The following SHANK2 variants were observed in gnomAD, a reference collection of about 807,000 sequenced individuals.
The protein encoded by SHANK2 is SH3 and multiple ankyrin repeat domains 2, also known as SH3 and multiple ankyrin repeat domains protein 2.
Under a neutral mutation model 133.7 loss-of-function variants are expected in SHANK2, and 43 were observed. The observed-to-expected ratio is 0.32, with a 90% CI of 0.25 to 0.41. SHANK2 has a LOEUF of 0.41. Among genes scored for constraint, SHANK2 ranks in the 10% least tolerant of loss-of-function variants. The pLI is 1.00. For synonymous variants in SHANK2, 1,017 were observed against 952.8 expected, an observed-to-expected ratio of 1.07 and a Z score of -1.24; for missense variants, 1,994 against 2,235.8, an observed-to-expected ratio of 0.89 and a Z score of 2.18.
At chr11:70,639,453 C>T (rs1353030453) in intron 17 of SHANK2, among the ~76,000 whole-genome samples, 1 of 152,126 alleles carries the variant, frequency 6.6e-6, no homozygotes, top group African/African-American at 2.4e-5. Flanking sequence ...TATAAGGGCA[C>T]TACTCCTCCT....
intron 17 of SHANK2, among the ~76,000 whole-genome samples, chr11:70,658,199 C>T (rs756273701): frequency 3.0e-5 from 4 of 131,898 alleles, no homozygotes; most frequent in East Asian, 4.5e-4. Flanking sequence ...CCCAAGGCCA[C>T]GCCCCCCCAA....
chr11:70,878,673 C>T (rs189330188), intron 11 of SHANK2, among the ~76,000 whole-genome samples: 2 of 152,272 alleles, frequency 1.3e-5, no homozygotes, highest in Admixed American at 1.3e-4. Context: ...ATTTTTCAGC[C>T]TCTACTTGAT....
intron 2 of SHANK2, among the ~76,000 whole-genome samples, chr11:71,189,556 C>T (rs925847202): frequency 1.3e-4 from 20 of 152,176 alleles, no homozygotes; most frequent in Admixed American, 1.3e-3. Context: ...AACCCCCACA[C>T]CCAGCTAAGT....
At chr11:70,787,669 C>T (rs1406901962) in intron 14 of SHANK2, among the ~76,000 whole-genome samples, 2 of 151,914 alleles carry the variant, frequency 1.3e-5, no homozygotes, top group Non-Finnish European at 2.9e-5. Flanking sequence ...CCACCATAAA[C>T]AGCATCACCA....
Position 70,486,357 on chromosome 11 carries a change from G to C in SHANK2, c.3936C>G (p.Gly1312=). 1 of 1,613,846 alleles carries C rather than the reference G, an allele frequency of 6.2e-7. No homozygotes were observed. The highest frequency in any genetic ancestry group is 8.5e-7 in the Non-Finnish European group (1 of 1,180,028). ...IMDTSQQKSA[G]LLMVHTVDAT... is the part of the protein sequence containing the mutation. ...CGTCCACGGTGTGCACCATCAGCAG[G>C]CCAGCCGACTTCTGCTGGGACGTGT... is the stretch of plus-strand genomic sequence containing the variant. The change falls in exon 25 of 26, where the codon GGC becomes GGG. Residue 1312 remains glycine (G), a synonymous_variant. Transcript: ENST00000601538. This position sits in a 1 kb window ranked among gnomAD's most constrained non-coding sequence, Gnocchi z 8.0.
intron 17 of SHANK2, among the ~76,000 whole-genome samples, chr11:70,586,478 G>T (rs920660808): frequency 6.6e-6 from 1 of 152,132 alleles, no homozygotes; most frequent in Non-Finnish European, 1.5e-5. Flanking sequence ...GGGCCCCAAG[G>T]TGCTGCATAG....
intron 17 of SHANK2, among the ~76,000 whole-genome samples, chr11:70,643,103 G>C (rs1555006951): frequency 6.6e-6 from 1 of 152,146 alleles, no homozygotes; most frequent in African/African-American, 2.4e-5. Context: ...AGCCCCCTGT[G>C]ACTCACCCTC....
chr11:70,754,389 TTAG>T (rs1420611019), intron 14 of SHANK2, among the ~76,000 whole-genome samples: 1 of 152,198 alleles, frequency 6.6e-6, no homozygotes, highest in Non-Finnish European at 1.5e-5. Context: ...CAGACATATA[TTAG>T]TAGAAAGGGA....
chr11:71,200,491 G>T (rs892946626), intron 2 of SHANK2, among the ~76,000 whole-genome samples: 10 of 152,154 alleles, frequency 6.6e-5, no homozygotes, highest in African/African-American at 1.9e-4. Context: ...GAGTGGAACT[G>T]CTGGCTCATG....
chr11:71,218,671 A>G (rs1425418933), intron 2 of SHANK2, among the ~76,000 whole-genome samples: 1 of 152,140 alleles, frequency 6.6e-6, no homozygotes, highest in African/African-American at 2.4e-5. Context: ...ACATCAGCAC[A>G]GAACACCTAC....
At chr11:70,553,724 G>A (rs970658370) in intron 17 of SHANK2, among the ~76,000 whole-genome samples, 1 of 152,236 alleles carries the variant, frequency 6.6e-6, no homozygotes, top group Non-Finnish European at 1.5e-5. Flanking sequence ...ACAAGACAAT[G>A]TCAGAGGTTT....
chr11:70,555,667 A>C (rs2059819702), intron 17 of SHANK2, among the ~76,000 whole-genome samples: 1 of 152,250 alleles, frequency 6.6e-6, no homozygotes, highest in South Asian at 2.1e-4. Context: ...TTGAGGCTGC[A>C]GTGAGCTGTG....
At chr11:71,247,367 T>C (rs1225037071) in intron 1 of SHANK2, among the ~76,000 whole-genome samples, 1 of 152,196 alleles carries the variant, frequency 6.6e-6, no homozygotes, top group Non-Finnish European at 1.5e-5. Flanking sequence ...GCTTGGTAAA[T>C]GATGAATGGC....
intron 17 of SHANK2, among the ~76,000 whole-genome samples, chr11:70,543,188 C>G (rs1391954957): frequency 1.3e-5 from 2 of 152,208 alleles, no homozygotes; most frequent in African/African-American, 4.8e-5. Flanking sequence ...GGAGGAGCCA[C>G]ACACAGTCTG....
At chr11:71,058,450 A>G (rs965695955) in intron 9 of SHANK2, among the ~76,000 whole-genome samples, 1 of 152,258 alleles carries the variant, frequency 6.6e-6, no homozygotes, top group African/African-American at 2.4e-5. Flanking sequence ...GCAGCAGTAG[A>G]ATACTGATGT....
intron 3 of SHANK2, among the ~76,000 whole-genome samples, chr11:71,133,921 T>A (rs1952383722): frequency 8.0e-6 from 1 of 124,514 alleles, no homozygotes; most frequent in Admixed American, 8.8e-5. Flanking sequence ...AAAGGAAAAC[T>A]ATGTATTTTT....
Position 70,486,995 on chromosome 11 carries a change from G to A in SHANK2, c.3298C>T (p.Pro1100Ser), listed in dbSNP as rs1330493007. Residue 1100 changes from proline to serine, a missense_variant, in exon 25 of 26, where the codon CCG (proline) becomes TCG (serine). By Grantham distance (74) the Pro-to-Ser change is moderately conservative. Coordinates refer to ENST00000601538, the MANE Select transcript of SHANK2 (RefSeq NM_012309.5). The surrounding 1 kb of genome is among the most constrained non-coding windows in gnomAD (Gnocchi z 8.0). ...CCCAGGTCTGTGGAGAGGAAGGCCG[G>A]GGAGTTCCTCCTGGCTTCCAGCCGC... is the stretch of plus-strand genomic sequence containing the variant. ...EKRLEARRNS[P>S]AFLSTDLGDE... The A allele has an allele frequency of 6.2e-7, 1 of 1,611,224 alleles. No homozygotes were observed. The highest frequency in any genetic ancestry group is 8.5e-7 in the Non-Finnish European group (1 of 1,179,778).
intron 17 of SHANK2, among the ~76,000 whole-genome samples, chr11:70,586,384 G>A (rs1196439742): frequency 1.3e-5 from 2 of 152,200 alleles, no homozygotes; most frequent in Non-Finnish European, 2.9e-5. Flanking sequence ...GGGGGCAGGA[G>A]GGGCAGGTGC....
chr11:70,729,289 G>A (rs1280433059), intron 14 of SHANK2, among the ~76,000 whole-genome samples: 11 of 151,128 alleles, frequency 7.3e-5, no homozygotes, highest in African/African-American at 2.7e-4. Flanking sequence ...CTCAGTGAAT[G>A]AAGCCAGACA....
Sources: gnomAD v4.1 joint callset for allele counts (sites outside exome capture counted in the v4.1 genomes callset) on GRCh38, gnomAD v4.1.1 for gene constraint, Gnocchi (gnomAD v3.1) non-coding constraint, MANE v1.5 for transcripts, NCBI Gene and HGNC (gene_info 2026-07-23, HGNC 2026-07-21) for gene names.